CNTN1: variants seen among roughly 807,000 people sequenced by gnomAD.
The protein encoded by CNTN1 is contactin 1, also known as contactin-1.
In CNTN1, 38 loss-of-function variants were observed where a neutral mutation model predicts 126.4. The ratio of observed to expected loss-of-function variants is 0.30; its 90% CI spans 0.23 to 0.39. The LOEUF is 0.39. Ranked by LOEUF, CNTN1 falls within the 10% of genes least tolerant of loss-of-function variation. CNTN1 has a pLI of 1.00. For missense variants in CNTN1, 1,009 were observed against 1,248.4 expected (o/e 0.81, Z 2.89); for synonymous variants, 413 against 422.6 (o/e 0.98, Z 0.28).
Position 40,944,062 on chromosome 12 carries a change from G to T in CNTN1, c.1575G>T (p.Gln525His). Residue 525 changes from glutamine to histidine, a missense_variant, in exon 14 of 24, where the codon CAG (glutamine) becomes CAT (histidine). By Grantham distance (24) the Gln-to-His change is conservative. Transcript: ENST00000551295. ...CAGTTGGAGAAAACGCCACCATGCAGTGTGCTGCGTCCTTTGATCCTGCCT... is the reference window on the plus strand; with the variant it reads ...CAGTTGGAGAAAACGCCACCATGCATTGTGCTGCGTCCTTTGATCCTGCCT... The part of the protein sequence containing the change: ...DITVGENATM[Q>H]CAASFDPALD... The T allele has an allele frequency of 6.2e-7, 1 of 1,613,546 alleles. No individual in the cohort carries two copies. The highest frequency in any genetic ancestry group is 8.5e-7 in the Non-Finnish European group (1 of 1,179,638).
intron 1 of CNTN1, among the ~76,000 whole-genome samples, chr12:40,735,634 AC>A (rs1280863948): frequency 6.6e-6 from 1 of 152,090 alleles, no homozygotes; most frequent in Non-Finnish European, 1.5e-5. Context: ...AAAAATGTAA[AC>A]CATGTTTTTG....
intron 1 of CNTN1, among the ~76,000 whole-genome samples, chr12:40,708,716 C>G (rs952093243): frequency 7.9e-5 from 12 of 152,164 alleles, no homozygotes; most frequent in Admixed American, 7.9e-4. Flanking sequence ...ATTCTGAGTC[C>G]TTACTTGCCA....
chr12:40,817,461 G>C (rs946521708), intron 1 of CNTN1, among the ~76,000 whole-genome samples: 2 of 140,836 alleles, frequency 1.4e-5, no homozygotes, highest in South Asian at 4.5e-4. Context: ...CAGAGACTAG[G>C]ATTGCAACCC....
intron 1 of CNTN1, among the ~76,000 whole-genome samples, chr12:40,834,137 A>ACAGCCCCC (rs1565803504): frequency 3.9e-5 from 6 of 152,206 alleles, no homozygotes; most frequent in South Asian, 2.1e-4. Context: ...GAATCATACC[A>ACAGCCCCC]CACAGAAAAC....
intron 15 of CNTN1, chr12:40,972,400 T>C: frequency 3.0e-6 from 3 of 983,862 alleles, no homozygotes; most frequent in Non-Finnish European, 3.6e-6. Flanking sequence ...AAAATTCTTA[T>C]TCCTTCACAA....
intron 23 of CNTN1, among the ~76,000 whole-genome samples, chr12:41,052,393 T>TACAATATATATGCACAATATATATGCA: frequency 6.6e-6 from 1 of 152,170 alleles, no homozygotes; most frequent in East Asian, 1.9e-4. Context: ...CTTTAAAATG[T>TACAATATATATGCACAATATATATGCA]CTGAATATAT....
chr12:40,986,661 A>G (rs1260283044), intron 16 of CNTN1, among the ~76,000 whole-genome samples: 1 of 152,022 alleles, frequency 6.6e-6, no homozygotes, highest in Admixed American at 6.6e-5. Flanking sequence ...TTAGACTTCA[A>G]CAGGTCCAAA....
At chr12:40,930,634 T>G (rs1194065431) in intron 7 of CNTN1, among the ~76,000 whole-genome samples, 1 of 151,924 alleles carries the variant, frequency 6.6e-6, no homozygotes, top group South Asian at 2.1e-4. Context: ...ACTTGCTTAC[T>G]TTACATTATT....
intron 1 of CNTN1, among the ~76,000 whole-genome samples, chr12:40,768,327 C>T (rs1327026808): frequency 6.6e-6 from 1 of 152,190 alleles, no homozygotes; most frequent in African/African-American, 2.4e-5. Flanking sequence ...CGCGAGCCCG[C>T]AGATCTTTGT....
chr12:40,753,006 T>C (rs907327620), intron 1 of CNTN1, among the ~76,000 whole-genome samples: 5 of 152,144 alleles, frequency 3.3e-5, no homozygotes, highest in Admixed American at 2.6e-4. Flanking sequence ...TCATTGCCTT[T>C]GGTGGTTTTC....
chr12:40,764,281 A>G (rs896766592), intron 1 of CNTN1, among the ~76,000 whole-genome samples: 1 of 152,220 alleles, frequency 6.6e-6, no homozygotes, highest in African/African-American at 2.4e-5. Context: ...CTATTGCAGT[A>G]TGGGAGAAAG....
At chr12:40,711,644 T>A (rs1188673541) in intron 1 of CNTN1, among the ~76,000 whole-genome samples, 2 of 152,094 alleles carry the variant, frequency 1.3e-5, no homozygotes, top group Non-Finnish European at 2.9e-5. Flanking sequence ...TCTTCTCTTT[T>A]GTAGCCAAAT....
chr12:40,761,325 G>T (rs567244189), intron 1 of CNTN1, among the ~76,000 whole-genome samples: 214 of 152,116 alleles, frequency 1.4e-3, no homozygotes, highest in Middle Eastern at 3.4e-3. Flanking sequence ...ATAGTAGTGG[G>T]TATCTTTTAA....
chr12:40,982,802 G>A (rs7958047), intron 16 of CNTN1, among the ~76,000 whole-genome samples: 14,728 of 152,080 alleles, frequency 0.097, 823 homozygotes, highest in Non-Finnish European at 0.12. Flanking sequence ...ATGCTAGAGA[G>A]AAACAACAGA....
intron 1 of CNTN1, among the ~76,000 whole-genome samples, chr12:40,709,279 G>T (rs368372335): frequency 1.3e-5 from 2 of 152,018 alleles, no homozygotes; most frequent in South Asian, 4.2e-4. Flanking sequence ...TGAAAAGATT[G>T]TTTTTTTTCT....
chr12:41,020,163 A>G (rs779647137), intron 19 of CNTN1, among the ~76,000 whole-genome samples, 174 bp from the exon 20 acceptor site: 14 of 152,170 alleles, frequency 9.2e-5, no homozygotes, highest in Non-Finnish European at 1.9e-4. Context: ...TAACATTAGA[A>G]AAATACAGGA....
chr12:40,982,455 G>T (rs1181580270), intron 16 of CNTN1, among the ~76,000 whole-genome samples: 1 of 152,044 alleles, frequency 6.6e-6, no homozygotes, highest in African/African-American at 2.4e-5. Context: ...AATACTAATT[G>T]CAATCATTTT....
chr12:40,942,990 CA>C (rs766753904), intron 12 of CNTN1, among the ~76,000 whole-genome samples: 66 of 152,076 alleles, frequency 4.3e-4, no homozygotes, highest in Admixed American at 8.5e-4. Context: ...CAATGACAGG[CA>C]ATTCAATATT....
intron 14 of CNTN1, among the ~76,000 whole-genome samples, chr12:40,947,344 T>C (rs75896563): frequency 0.097 from 14,747 of 152,050 alleles, 837 homozygotes; most frequent in Non-Finnish European, 0.12. Flanking sequence ...CAATAAGATA[T>C]TAAAGCAGTT....
Sources: gnomAD v4.1 joint callset for allele counts (sites outside exome capture counted in the v4.1 genomes callset) on GRCh38, gnomAD v4.1.1 for gene constraint, MANE v1.5 for transcripts, NCBI Gene and HGNC (gene_info 2026-07-23, HGNC 2026-07-21) for gene names.